Variants in SLC13A1 observed in about 807,000 individuals in gnomAD.
SLC13A1 encodes solute carrier family 13 member 1.
A neutral mutation model predicts 70.0 loss-of-function variants in SLC13A1; 65 were observed. The ratio of observed to expected loss-of-function variants is 0.93; its 90% CI spans 0.76 to 1.14. The LOEUF is 1.14. SLC13A1 is among the 50% of genes most tolerant of loss of function. The pLI is 0.00. For synonymous variants in SLC13A1, 275 were observed against 250.5 expected, an observed-to-expected ratio of 1.10 and a Z score of -0.92; for missense variants, 726 against 717.8, an observed-to-expected ratio of 1.01 and a Z score of -0.13.
chr7:123,172,152 A>G (rs1016173391), intron 2 of SLC13A1, among the ~76,000 whole-genome samples: 1 of 152,178 alleles, frequency 6.6e-6, no homozygotes, highest in Non-Finnish European at 1.5e-5. Flanking sequence ...GAGTAACATC[A>G]GGTAAGTGCT....
chr7:123,165,110 G>T (rs1795026927), intron 6 of SLC13A1, among the ~76,000 whole-genome samples: 1 of 151,958 alleles, frequency 6.6e-6, no homozygotes, highest in African/African-American at 2.4e-5. Context: ...AAGAACAGCT[G>T]CAGTTTATTA....
rs781112331 is a variant in SLC13A1 at position 123,168,408 on chromosome 7, G to T, written c.626C>A (p.Thr209Lys). 1.3e-6 allele frequency: 2 copies of T among 1,591,680 alleles called. No homozygotes were observed. Among genetic ancestry groups the T allele is most frequent in the South Asian group, 2.3e-5 (2 of 88,270 alleles). The change falls in exon 6 of 15, where the codon ACA (threonine) becomes AAA (lysine). Residue 209 changes from threonine (T) to lysine (K), a missense_variant. Transcript: ENST00000194130. ...CTCCACCTTGCTTGAAATTTTCCCT[G>T]TATCATTATTGTATCTGAAAAATAC... ...TKPVPGYNND[T>K]GKISSKVELE... is the part of the protein sequence containing the mutation.
intron 11 of SLC13A1, 35 bp from the exon 12 acceptor site, chr7:123,123,270 T>A: frequency 7.8e-7 from 1 of 1,287,282 alleles, no homozygotes; most frequent in Non-Finnish European, 1.1e-6. Flanking sequence ...ACACATTGCT[T>A]AAAATATTAC....
At chr7:123,162,963 A>G (rs1360342177) in intron 6 of SLC13A1, among the ~76,000 whole-genome samples, 3 of 152,134 alleles carry the variant, frequency 2.0e-5, no homozygotes, top group South Asian at 2.1e-4. Flanking sequence ...ATTTTTCATT[A>G]AAAGTATACT....
At chr7:123,158,634 A>G (rs1033773696) in intron 6 of SLC13A1, among the ~76,000 whole-genome samples, 1 of 151,926 alleles carries the variant, frequency 6.6e-6, no homozygotes, top group Non-Finnish European at 1.5e-5. Flanking sequence ...ATAGCAAAGT[A>G]AAATTCTATC....
intron 6 of SLC13A1, chr7:123,148,548 C>T (rs970299267): frequency 1.2e-5 from 5 of 425,542 alleles, no homozygotes; most frequent in Non-Finnish European, 2.3e-5. Context: ...TGTAAACACC[C>T]TTTGTTGGTT....
At chr7:123,172,657 C>T (rs1423740765) in intron 2 of SLC13A1, among the ~76,000 whole-genome samples, 1 of 152,096 alleles carries the variant, frequency 6.6e-6, no homozygotes, top group Non-Finnish European at 1.5e-5. Context: ...AACAAATACC[C>T]TCAAATGAGA....
In SLC13A1 at chr7:123,181,941, T is replaced by C. The variant is rs561092886; in HGVS notation, c.100-840A>G. Among the ~76,000 whole-genome samples the C allele has an allele frequency of 2.6e-5, 4 of 152,246 alleles. No individual in the cohort carries two copies. The South Asian group carries it at 6.2e-4, about 24-fold the overall frequency. The stretch of plus-strand genomic sequence containing the variant: ...GTTGAATGAAGTTATTAAGCTTTTA[T>C]TTTTGTCTGGCACTACTGCTGTCTG... On this transcript the variant is annotated intron_variant, in intron 1 of 14. Coordinates refer to ENST00000194130, the MANE Select transcript of SLC13A1 (RefSeq NM_022444.4).
In SLC13A1 at chr7:123,168,576, A is replaced by G. The variant is rs780082917; in HGVS notation, c.554-15T>C. 1.3e-6 allele frequency: 2 copies of G among 1,581,072 alleles called. No individual in the cohort carries two copies. Among genetic ancestry groups the G allele is most frequent in the South Asian group, 2.3e-5 (2 of 88,786 alleles). ...ATTAACACTTTCTGCAAAACATTAA[A>G]TAAAAGAAAAACAATTTAAATAAGG... On this transcript the variant is annotated splice_polypyrimidine_tract_variant and intron_variant, in intron 4 of 14. Coordinates refer to ENST00000194130, the MANE Select transcript of SLC13A1 (RefSeq NM_022444.4).
intron 9 of SLC13A1, 41 bp from the exon 10 acceptor site, chr7:123,128,987 G>A (rs752160471): frequency 1.2e-5 from 16 of 1,357,998 alleles, no homozygotes; most frequent in Admixed American, 1.7e-5. Context: ...TATTTTCTCA[G>A]TCGGGACATT....
intron 6 of SLC13A1, among the ~76,000 whole-genome samples, chr7:123,163,335 T>G (rs1435921333): frequency 6.6e-6 from 1 of 152,096 alleles, no homozygotes; most frequent in Non-Finnish European, 1.5e-5. Context: ...TGGTAACTAT[T>G]CACCACTTTA....
intron 2 of SLC13A1, among the ~76,000 whole-genome samples, chr7:123,174,632 A>G (rs1489474143): frequency 6.6e-6 from 1 of 152,048 alleles, no homozygotes; most frequent in East Asian, 1.9e-4. Context: ...CCCCTTTTCT[A>G]CAGTGTAAAT....
At chr7:123,142,435 G>C (rs969865753) in intron 7 of SLC13A1, among the ~76,000 whole-genome samples, 2 of 152,070 alleles carry the variant, frequency 1.3e-5, no homozygotes, top group African/African-American at 2.4e-5. Flanking sequence ...GCTCTACACC[G>C]CTGTGGCCAA....
In SLC13A1 at chr7:123,137,948, A is replaced by C. The variant is rs577841208; in HGVS notation, c.813-3419T>G. Reference sequence around the variant, plus strand: ...AATTATACTCTTTTAGTTATTTTTAAATGTACAATTAAATTATTATTAACT... The same window carrying C: ...AATTATACTCTTTTAGTTATTTTTACATGTACAATTAAATTATTATTAACT... On this transcript the variant is annotated intron_variant, in intron 7 of 14. Coordinates refer to ENST00000194130, the MANE Select transcript of SLC13A1 (RefSeq NM_022444.4). 1.1e-4 allele frequency among the ~76,000 whole-genome samples: 17 copies of C among 152,252 alleles called. No individual in the cohort carries two copies. The South Asian group carries it at 2.9e-3, about 26-fold the overall frequency.
intron 1 of SLC13A1, chr7:123,186,811 A>T: frequency 2.2e-6 from 1 of 452,906 alleles, no homozygotes; most frequent in East Asian, 7.0e-5. Context: ...TAGTATTATG[A>T]ATTCTTAAAC....
chr7:123,173,673 C>T (rs1400925795), intron 2 of SLC13A1, among the ~76,000 whole-genome samples: 1 of 152,000 alleles, frequency 6.6e-6, no homozygotes, highest in Admixed American at 6.6e-5. Context: ...TCTATTATAC[C>T]ATACATTCTG....
chr7:123,136,952 A>T (rs976956611), intron 7 of SLC13A1, among the ~76,000 whole-genome samples: 3 of 152,286 alleles, frequency 2.0e-5, no homozygotes, highest in African/African-American at 7.2e-5. Context: ...GTGGAGAGAT[A>T]GGAGGCCACT....
chr7:123,147,361 T>C (rs372416326), intron 6 of SLC13A1, 51 bp from the exon 7 acceptor site: 203 of 1,589,758 alleles, frequency 1.3e-4, no homozygotes, highest in Non-Finnish European at 1.7e-4. Flanking sequence ...ATATTTGTTA[T>C]GGACTGAATA....
At chr7:123,137,090 T>C (rs994622580) in intron 7 of SLC13A1, among the ~76,000 whole-genome samples, 10 of 152,146 alleles carry the variant, frequency 6.6e-5, no homozygotes, top group African/African-American at 1.4e-4. Flanking sequence ...TAAGGACTAA[T>C]TGGAACGTAG....
Sources: gnomAD v4.1 joint callset for allele counts (sites outside exome capture counted in the v4.1 genomes callset) on GRCh38, gnomAD v4.1.1 for gene constraint, MANE v1.5 for transcripts, NCBI Gene and HGNC (gene_info 2026-07-23, HGNC 2026-07-21) for gene names.